Variants in CALCRL observed in about 807,000 individuals in gnomAD.
The protein encoded by CALCRL is calcitonin gene-related peptide type 1 receptor.
CALCRL carries 27 observed loss-of-function variants against 60.4 expected under a neutral mutation model. That is an observed-to-expected ratio of 0.45 (90% CI 0.33 to 0.62). The LOEUF (loss-of-function observed/expected upper bound fraction) is 0.62, where lower values mean the gene tolerates loss of function less well. Ranked by LOEUF, CALCRL falls within the 20% of genes least tolerant of loss-of-function variation. CALCRL has a pLI of 0.03. For missense variants in CALCRL, 424 were observed against 540.7 expected (o/e 0.78, Z 2.14); for synonymous variants, 190 against 182.6 (o/e 1.04, Z -0.33).
chr2:187,371,025 G>T (rs541576181), intron 8 of CALCRL, among the ~76,000 whole-genome samples: 1 of 152,044 alleles, frequency 6.6e-6, no homozygotes, highest in African/African-American at 2.4e-5. Context: ...GGCAGATCAC[G>T]AATTCAGGAG....
chr2:187,383,005 T>C (rs548806444), intron 5 of CALCRL, among the ~76,000 whole-genome samples, 168 bp downstream of exon 5: 1 of 152,290 alleles, frequency 6.6e-6, no homozygotes, highest in Admixed American at 6.5e-5. Flanking sequence ...AAAAGCGATA[T>C]AACATGATGT....
chr2:187,390,682 T>C (rs1688398831), intron 1 of CALCRL, among the ~76,000 whole-genome samples: 1 of 152,176 alleles, frequency 6.6e-6, no homozygotes, highest in Non-Finnish European at 1.5e-5. Flanking sequence ...ATAATTCCAC[T>C]TTTATAGCTT....
intron 1 of CALCRL, among the ~76,000 whole-genome samples, chr2:187,422,887 G>T (rs941578849): frequency 3.3e-5 from 5 of 151,650 alleles, no homozygotes; most frequent in Non-Finnish European, 5.9e-5. Context: ...ATATGAGGGG[G>T]GTATATTAAA....
At chr2:187,355,701 G>A (rs1686747047) in intron 12 of CALCRL, among the ~76,000 whole-genome samples, 1 of 152,036 alleles carries the variant, frequency 6.6e-6, no homozygotes, top group African/African-American at 2.4e-5. Flanking sequence ...AGGAGGAGAG[G>A]AAGTCAAATT....
intron 1 of CALCRL, among the ~76,000 whole-genome samples, chr2:187,429,264 C>T (rs1316303053): frequency 6.6e-6 from 1 of 151,358 alleles, no homozygotes; most frequent in East Asian, 1.9e-4. Flanking sequence ...AAAAAAAAAA[C>T]CCTTGTAGTT....
chr2:187,350,528 C>T (rs1416177888), intron 14 of CALCRL, among the ~76,000 whole-genome samples: 1 of 151,050 alleles, frequency 6.6e-6, no homozygotes, highest in African/African-American at 2.4e-5. Context: ...ATATAGTCTA[C>T]AATGTGTGGC....
chr2:187,445,220 A>T (rs564487131), intron 1 of CALCRL, among the ~76,000 whole-genome samples: 1 of 151,736 alleles, frequency 6.6e-6, no homozygotes, highest in South Asian at 2.1e-4. Context: ...AGCGTCTTTC[A>T]TTAACACCCT....
At chr2:187,430,870 A>T (rs1403667162) in intron 1 of CALCRL, among the ~76,000 whole-genome samples, 1 of 152,074 alleles carries the variant, frequency 6.6e-6, no homozygotes, top group African/African-American at 2.4e-5. Context: ...TATAATGTTA[A>T]ACATAATTTT....
chr2:187,385,761 A>AT (rs1048677794), intron 3 of CALCRL, 130 bp from the exon 4 acceptor site: 57 of 611,716 alleles, frequency 9.3e-5, no homozygotes, highest in African/African-American at 6.5e-4. Flanking sequence ...TTGATAAATC[A>AT]TTTTTTTTAA....
At chr2:187,394,653 A>G (rs1449976711) in intron 1 of CALCRL, among the ~76,000 whole-genome samples, 2 of 151,988 alleles carry the variant, frequency 1.3e-5, no homozygotes, top group Non-Finnish European at 2.9e-5. Context: ...TTGCTGTGTA[A>G]TTTTAAGAAA....
At chr2:187,427,594 C>T (rs1233052082) in intron 1 of CALCRL, among the ~76,000 whole-genome samples, 2 of 152,044 alleles carry the variant, frequency 1.3e-5, no homozygotes, top group Middle Eastern at 3.2e-3. Context: ...ATTGCTATTA[C>T]ATTGGTATCA....
intron 8 of CALCRL, among the ~76,000 whole-genome samples, chr2:187,368,074 T>C (rs1414917791): frequency 2.6e-5 from 4 of 152,018 alleles, no homozygotes; most frequent in African/African-American, 9.7e-5. Flanking sequence ...TGGTATAACT[T>C]TGGGTAAATT....
At chr2:187,385,429 A>G (rs966174457) in intron 4 of CALCRL, 116 bp downstream of exon 4, 9 of 605,584 alleles carry the variant, frequency 1.5e-5, no homozygotes, top group Non-Finnish European at 2.0e-5. Context: ...TGCTGTATCA[A>G]TTGGATATAA....
chr2:187,408,787 G>A (rs1003411012), intron 1 of CALCRL, among the ~76,000 whole-genome samples: 1 of 151,664 alleles, frequency 6.6e-6, no homozygotes, highest in African/African-American at 2.4e-5. Context: ...TTATATTCCA[G>A]CCAGAGTTAA....
At chr2:187,383,332 C>G (rs181442028) in intron 4 of CALCRL, 27 bp from the exon 5 acceptor site, 2 of 1,568,862 alleles carry the variant, frequency 1.3e-6, no homozygotes, top group Non-Finnish European at 1.7e-6. Context: ...ACAACAACAT[C>G]AACTTCATGA....
intron 14 of CALCRL, among the ~76,000 whole-genome samples, chr2:187,348,257 C>G (rs535051544): frequency 2.0e-5 from 3 of 151,638 alleles, no homozygotes; most frequent in Non-Finnish European, 4.4e-5. Flanking sequence ...ATTTTAAATA[C>G]ATATTCAGAG....
chr2:187,415,535 T>C (rs989353363), intron 1 of CALCRL: 1 of 425,764 alleles, frequency 2.3e-6, no homozygotes, highest in Non-Finnish European at 4.3e-6. Context: ...CTAACAATGT[T>C]TGGGACAGGA....
chr2:187,431,746 C>T (rs1690416852), intron 1 of CALCRL, among the ~76,000 whole-genome samples: 1 of 121,170 alleles, frequency 8.3e-6, no homozygotes, highest in South Asian at 3.0e-4. Context: ...TCTCATGGAG[C>T]TTATATTATA....
chr2:187,379,398 TTTG>T (rs1467296324), intron 7 of CALCRL, among the ~76,000 whole-genome samples: 1 of 152,060 alleles, frequency 6.6e-6, no homozygotes, highest in Non-Finnish European at 1.5e-5. Flanking sequence ...TACGTGATGA[TTTG>T]TTTTGTTCAG....
Sources: allele counts gnomAD v4.1 joint callset (sites outside exome capture counted in the v4.1 genomes callset), GRCh38; gene constraint gnomAD v4.1.1; transcripts MANE v1.5; gene names NCBI Gene and HGNC (gene_info 2026-07-23, HGNC 2026-07-21).